Variants in DCLK2 observed in about 807,000 individuals in gnomAD.
The protein encoded by DCLK2 is serine/threonine-protein kinase DCLK2.
Under a neutral mutation model 78.4 loss-of-function variants are expected in DCLK2, and 31 were observed. That is an observed-to-expected ratio of 0.40 (90% CI 0.30 to 0.53). The LOEUF is 0.53. Among genes scored for constraint, DCLK2 ranks in the 20% least tolerant of loss-of-function variants. DCLK2 has a pLI of 0.61. For synonymous variants in DCLK2, 407 were observed against 374.9 expected, an observed-to-expected ratio of 1.09 and a Z score of -0.99; for missense variants, 872 against 973.7, an observed-to-expected ratio of 0.90 and a Z score of 1.39.
intron 12 of DCLK2, among the ~76,000 whole-genome samples, chr4:150,241,452 CCATG>C (rs1286966321): frequency 5.3e-5 from 8 of 152,168 alleles, no homozygotes; most frequent in Non-Finnish European, 1.5e-5. Context: ...GTTCATCTAA[CCATG>C]CATGTTCTGT....
chr4:150,236,869 TCA>T (rs748132293), intron 10 of DCLK2, among the ~76,000 whole-genome samples: 1 of 152,172 alleles, frequency 6.6e-6, no homozygotes, highest in Non-Finnish European at 1.5e-5. Context: ...CAGACATAAT[TCA>T]GCAGTTACAG....
Position 150,232,675 on chromosome 4 carries a change from C to T in DCLK2, c.1420-7C>T, listed in dbSNP as rs780823862. ...TGCTTTGATATGTTCTTTTATGTAT[C>T]GTTTAGGGTGGAGATCTCTTTGATG... On this transcript the variant is annotated splice_region_variant and splice_polypyrimidine_tract_variant and intron_variant, in intron 9 of 15. Coordinates refer to ENST00000296550, the MANE Select transcript of DCLK2 (RefSeq NM_001040260.4). 1.1e-5 allele frequency: 18 copies of T among 1,612,990 alleles called. No homozygotes were observed. Among genetic ancestry groups the T allele is most frequent in the Admixed American group, 1.7e-5 (1 of 59,946 alleles).
intron 8 of DCLK2, among the ~76,000 whole-genome samples, chr4:150,226,605 A>C (rs973330419): frequency 6.6e-6 from 1 of 152,184 alleles, no homozygotes; most frequent in Non-Finnish European, 1.5e-5. Context: ...GGTTGGAAAA[A>C]AAAGGTCTTT....
chr4:150,102,334 C>A (rs1730945750), intron 1 of DCLK2, 144 bp from the exon 2 acceptor site: 1 of 714,476 alleles, frequency 1.4e-6, no homozygotes, highest in Non-Finnish European at 2.3e-6. Flanking sequence ...TGGGAGAATG[C>A]CAAAGGAAAA....
Position 150,197,196 on chromosome 4 carries a change from A to G in DCLK2, c.860-806A>G, listed in dbSNP as rs77311711. Among the ~76,000 whole-genome samples the G allele has an allele frequency of 8.5e-3, 1,292 of 151,848 alleles. 21 individuals carry two copies. The highest frequency in any genetic ancestry group is 0.029 in the African/African-American group (1,210 of 41,430). ...AGAGAGAGAAAAAGCTATTTTCCTC[A>G]TTTTTGATGTTCCATACTTTGAGAA... On this transcript the variant is annotated intron_variant, in intron 3 of 15. Transcript: ENST00000296550.
intron 2 of DCLK2, among the ~76,000 whole-genome samples, chr4:150,158,043 G>GCCA: frequency 6.6e-6 from 1 of 152,176 alleles, no homozygotes; most frequent in Non-Finnish European, 1.5e-5. Context: ...ATTTGCTAAG[G>GCCA]CCACCATAAT....
chr4:150,203,682 A>G (rs751470229), intron 4 of DCLK2, 113 bp from the exon 5 acceptor site: 4 of 721,234 alleles, frequency 5.5e-6, no homozygotes, highest in Non-Finnish European at 8.7e-6. Flanking sequence ...TTGAGCTGAA[A>G]ACGAGTTGAA....
intron 2 of DCLK2, among the ~76,000 whole-genome samples, chr4:150,144,044 A>C (rs1560808698): frequency 6.6e-6 from 1 of 152,018 alleles, no homozygotes; most frequent in Non-Finnish European, 1.5e-5. Flanking sequence ...CTTTTAGATT[A>C]ATTAAGTCAC....
intron 4 of DCLK2, among the ~76,000 whole-genome samples, chr4:150,202,816 A>G (rs573602735): frequency 6.6e-6 from 1 of 152,204 alleles, no homozygotes; most frequent in African/African-American, 2.4e-5. Flanking sequence ...AGAAAAACAT[A>G]TATCAATACT....
At chr4:150,197,909 G>T (rs1739171766) in intron 3 of DCLK2, 93 bp from the exon 4 acceptor site, 6 of 921,726 alleles carry the variant, frequency 6.5e-6, no homozygotes, top group Middle Eastern at 4.5e-4. Flanking sequence ...TAATTATCAG[G>T]TAATAGTTCT....
At chr4:150,110,297 G>A (rs898494911) in intron 2 of DCLK2, among the ~76,000 whole-genome samples, 7 of 152,074 alleles carry the variant, frequency 4.6e-5, no homozygotes, top group Admixed American at 1.3e-4. Flanking sequence ...GAAATTTTAC[G>A]CACTACCAAA....
intron 14 of DCLK2, 61 bp downstream of exon 14, chr4:150,248,446 C>A: frequency 7.3e-7 from 1 of 1,371,576 alleles, no homozygotes; most frequent in Non-Finnish European, 1.0e-6. Flanking sequence ...CAGCACGGTT[C>A]CTCACTGTGA....
chr4:150,108,997 C>G (rs1396034784), intron 2 of DCLK2, among the ~76,000 whole-genome samples: 1 of 152,114 alleles, frequency 6.6e-6, no homozygotes, highest in African/African-American at 2.4e-5. Context: ...CTTGGAGTGC[C>G]TGCTCTTATC....
chr4:150,232,562 A>G, intron 9 of DCLK2, 106 bp downstream of exon 9: 1 of 1,531,410 alleles, frequency 6.5e-7, no homozygotes, highest in Non-Finnish European at 8.9e-7. Context: ...TTCATTATTT[A>G]TAATCGCCGA....
chr4:150,237,566 G>A (rs541859426), intron 10 of DCLK2, among the ~76,000 whole-genome samples: 166 of 152,320 alleles, frequency 1.1e-3, no homozygotes, highest in Non-Finnish European at 2.0e-3. Context: ...TCACAGGTAA[G>A]GGAGGTATTT....
chr4:150,250,143 A>G (rs1309908122), intron 15 of DCLK2, among the ~76,000 whole-genome samples: 3 of 152,226 alleles, frequency 2.0e-5, no homozygotes, highest in Non-Finnish European at 4.4e-5. Context: ...TCAGTGTTTT[A>G]TAAAACACAG....
At chr4:150,083,387 AC>A (rs1409327778) in intron 1 of DCLK2, among the ~76,000 whole-genome samples, 6 of 152,182 alleles carry the variant, frequency 3.9e-5, no homozygotes, top group African/African-American at 1.2e-4. Flanking sequence ...TGATAATGAT[AC>A]TTTCATTCCC....
chr4:150,225,199 G>T (rs577599484), intron 8 of DCLK2, among the ~76,000 whole-genome samples: 2 of 152,350 alleles, frequency 1.3e-5, no homozygotes, highest in African/African-American at 2.4e-5. Context: ...TCTGCCGTTT[G>T]CCCGTAAGGG....
intron 12 of DCLK2, among the ~76,000 whole-genome samples, chr4:150,245,539 C>T (rs1374711742): frequency 6.6e-6 from 1 of 152,098 alleles, no homozygotes; most frequent in Non-Finnish European, 1.5e-5. Flanking sequence ...CATGACAGGC[C>T]CCGGTGTGTG....
Sources: allele counts gnomAD v4.1 joint callset (sites outside exome capture counted in the v4.1 genomes callset), GRCh38; gene constraint gnomAD v4.1.1; transcripts MANE v1.5; gene names NCBI Gene and HGNC (gene_info 2026-07-23, HGNC 2026-07-21).